ME3: variants seen among roughly 807,000 people sequenced by gnomAD.
ME3 encodes malic enzyme 3.
ME3 carries 48 observed loss-of-function variants against 68.9 expected under a neutral mutation model. The ratio of observed to expected loss-of-function variants is 0.70; its 90% CI spans 0.55 to 0.89. The LOEUF is 0.89. ME3 is among the 40% of genes least tolerant of loss of function. ME3 has a pLI of 0.00. For synonymous variants in ME3, 320 were observed against 318.8 expected (o/e 1.00, Z -0.04); for missense variants, 675 against 797.4 (o/e 0.85, Z 1.85).
chr11:86,584,835 A>C (rs1958639878), intron 2 of ME3, among the ~76,000 whole-genome samples: 1 of 152,244 alleles, frequency 6.6e-6, no homozygotes, highest in Non-Finnish European at 1.5e-5. Flanking sequence ...ATACGATTTC[A>C]GTTATGAAAA....
At chr11:86,625,470 G>T (rs1423283282) in intron 2 of ME3, among the ~76,000 whole-genome samples, 1 of 152,160 alleles carries the variant, frequency 6.6e-6, no homozygotes, top group African/African-American at 2.4e-5. Flanking sequence ...TCGCCTGCCA[G>T]CTCATGACTG....
intron 6 of ME3, among the ~76,000 whole-genome samples, chr11:86,494,390 T>TGGAGCCAGACAGAG: frequency 6.6e-6 from 1 of 152,180 alleles, no homozygotes; most frequent in Admixed American, 6.5e-5. Context: ...ACAGCTGGGT[T>TGGAGCCAGACAGAG]CCAATCCCAG....
chr11:86,550,233 A>G (rs1369360725), intron 4 of ME3, among the ~76,000 whole-genome samples: 1 of 152,160 alleles, frequency 6.6e-6, no homozygotes, highest in Non-Finnish European at 1.5e-5. Context: ...GCATAATATT[A>G]CCATGGATCA....
At chr11:86,559,318 C>T (rs1475692315) in intron 3 of ME3, among the ~76,000 whole-genome samples, 1 of 152,072 alleles carries the variant, frequency 6.6e-6, no homozygotes, top group Non-Finnish European at 1.5e-5. Context: ...CCTGTCTCTA[C>T]CTCTTTGCTC....
intron 2 of ME3, among the ~76,000 whole-genome samples, chr11:86,637,107 C>A (rs1380604653): frequency 6.6e-6 from 1 of 151,864 alleles, no homozygotes; most frequent in Non-Finnish European, 1.5e-5. Context: ...TATCCAGAAT[C>A]CCCAATTGGT....
chr11:86,477,649 A>G (rs1378032102), intron 7 of ME3, among the ~76,000 whole-genome samples: 1 of 152,162 alleles, frequency 6.6e-6, no homozygotes, highest in East Asian at 1.9e-4. Context: ...AGAAAATGAA[A>G]AGGAAATAGC....
chr11:86,660,878 A>G (rs776313696), intron 2 of ME3, among the ~76,000 whole-genome samples: 6 of 150,576 alleles, frequency 4.0e-5, no homozygotes, highest in Admixed American at 1.3e-4. Context: ...TGATGAAATA[A>G]AAGATTTTTT....
At chr11:86,566,733 G>T (rs887972481) in intron 2 of ME3, among the ~76,000 whole-genome samples, 16 of 152,056 alleles carry the variant, frequency 1.1e-4, no homozygotes, top group African/African-American at 3.4e-4. Flanking sequence ...CTTAAACCAG[G>T]ATGCATTTTA....
intron 6 of ME3, chr11:86,489,318 C>G (rs1951862699): frequency 2.0e-5 from 3 of 152,108 alleles, no homozygotes; most frequent in Admixed American, 1.3e-4. Context: ...TCTCATCTAT[C>G]AAATGGGGAT....
chr11:86,518,620 CTTGT>C (rs1279543373), intron 4 of ME3, among the ~76,000 whole-genome samples: 1 of 152,166 alleles, frequency 6.6e-6, no homozygotes, highest in African/African-American at 2.4e-5. Context: ...GTATTTTTCT[CTTGT>C]TTATGTGCCT....
chr11:86,456,217 G>C (rs577224821), intron 8 of ME3, among the ~76,000 whole-genome samples: 1 of 152,162 alleles, frequency 6.6e-6, no homozygotes. Flanking sequence ...TCTGCTCATC[G>C]GAGTCTGTTT....
chr11:86,480,698 C>T (rs1441767499), intron 7 of ME3, among the ~76,000 whole-genome samples: 3 of 152,158 alleles, frequency 2.0e-5, no homozygotes, highest in Non-Finnish European at 4.4e-5. Flanking sequence ...GTGCTTTCCC[C>T]ACATGTAGAA....
chr11:86,574,476 A>G (rs569660324), intron 2 of ME3, among the ~76,000 whole-genome samples: 1 of 150,804 alleles, frequency 6.6e-6, no homozygotes, highest in African/African-American at 2.5e-5. Context: ...TTTTCTTCTA[A>G]CACTGAGGCC....
rs535308337 is a variant in ME3, at chr11:86,447,639, C to T, written c.1238-432G>A. 9.2e-5 allele frequency among the ~76,000 whole-genome samples: 14 copies of T among 152,118 alleles called. No homozygotes were observed. In the South Asian group the frequency reaches 2.7e-3, roughly 29 times the overall value. Reference sequence around the variant, plus strand: ...GGGGCAGTGGGGTGGGTACAGATCACCTGAGGTCAGGAGTTTGAGACCAGC... The same window carrying T: ...GGGGCAGTGGGGTGGGTACAGATCATCTGAGGTCAGGAGTTTGAGACCAGC... On this transcript the variant is annotated intron_variant, in intron 11 of 14. Coordinates refer to ENST00000543262, the Ensembl canonical transcript of ME3.
chr11:86,625,883 A>G (rs921018413), intron 2 of ME3, among the ~76,000 whole-genome samples: 10 of 152,166 alleles, frequency 6.6e-5, no homozygotes, highest in Admixed American at 2.6e-4. Context: ...GTGTCTCTGT[A>G]TCGTTACCTG....
chr11:86,650,928 C>T lies in ME3; in HGVS notation c.183+20834G>A, dbSNP rs562372407. On this transcript the variant is annotated intron_variant, in intron 2 of 14. Coordinates refer to ENST00000543262, the Ensembl canonical transcript of ME3. Reference sequence around the variant, plus strand: ...GCACTTTTCCAACGGTCTTAGCCAACGGCACACCAGGAGATTGTATCCCTC... The same window carrying T: ...GCACTTTTCCAACGGTCTTAGCCAATGGCACACCAGGAGATTGTATCCCTC... Among the ~76,000 whole-genome samples the T allele has an allele frequency of 7.9e-5, 12 of 152,340 alleles. No homozygotes were observed. In the South Asian group the frequency reaches 8.3e-4, roughly 11 times the overall value.
intron 2 of ME3, among the ~76,000 whole-genome samples, chr11:86,564,845 G>A (rs1320973664): frequency 6.6e-6 from 1 of 152,002 alleles, no homozygotes; most frequent in Non-Finnish European, 1.5e-5. Flanking sequence ...TAGGTAAACT[G>A]GACTTCATCA....
chr11:86,670,743 A>C (rs1338265259), intron 2 of ME3, among the ~76,000 whole-genome samples: 2 of 152,228 alleles, frequency 1.3e-5, no homozygotes, highest in African/African-American at 4.8e-5. Context: ...TTCACAATCC[A>C]GAGTCAGAGC....
rs563327545 is a variant in ME3, at chr11:86,462,454, G to A, written c.919+2637C>T. 4.0e-5 allele frequency: 24 copies of A among 598,100 alleles called. No homozygotes were observed. In the South Asian group the frequency reaches 1.7e-3, roughly 43 times the overall value. 37.0% of individuals were successfully genotyped at this position (598,100 alleles called of 1,614,324 possible). Reference sequence around the variant, plus strand: ...AAGTTATGCAGATTTTTGACTGTGTGGGGCATTGGCACCTGTAACCACCAC... The same window carrying A: ...AAGTTATGCAGATTTTTGACTGTGTAGGGCATTGGCACCTGTAACCACCAC... On this transcript the variant is annotated intron_variant, in intron 8 of 14. Coordinates refer to ENST00000543262, the Ensembl canonical transcript of ME3.
Sources: allele counts gnomAD v4.1 joint callset (sites outside exome capture counted in the v4.1 genomes callset), GRCh38; gene constraint gnomAD v4.1.1; transcripts MANE v1.5; gene names NCBI Gene and HGNC (gene_info 2026-07-23, HGNC 2026-07-21).